SEC23A: variants seen among roughly 807,000 people sequenced by gnomAD.
The protein encoded by SEC23A is SEC23 homolog A, COPII component.
Under a neutral mutation model 103.7 loss-of-function variants are expected in SEC23A, and 56 were observed. The ratio of observed to expected loss-of-function variants is 0.54; its 90% CI spans 0.44 to 0.67. The LOEUF (loss-of-function observed/expected upper bound fraction) is 0.67. SEC23A is among the 30% of genes least tolerant of loss of function. SEC23A has a pLI of 0.00. For synonymous variants in SEC23A, 281 were observed against 293.0 expected (o/e 0.96, Z 0.42); for missense variants, 784 against 936.4 (o/e 0.84, Z 2.12).
chr14:39,064,850 G>T lies in SEC23A; in HGVS notation c.1308+63C>A, dbSNP rs551529551. ...CTGCCTCAGCTTCCCAAGTACCTGG[G>T]ATTACAGGTGCAAGCCACAGTTCCT... On this transcript the variant is annotated intron_variant, in intron 11 of 19. Coordinates refer to ENST00000307712, the MANE Select transcript of SEC23A (RefSeq NM_006364.4). The T allele has an allele frequency of 6.5e-5, 76 of 1,177,594 alleles. 1 individual carries two copies. The South Asian group carries it at 9.1e-4, about 14-fold the overall frequency. The allele number at this position is 1,177,594 out of a possible 1,614,324, so 72.9% of individuals were successfully genotyped here.
intron 14 of SEC23A, among the ~76,000 whole-genome samples, chr14:39,054,929 T>G (rs1383215742): frequency 6.6e-6 from 1 of 152,182 alleles, no homozygotes; most frequent in Non-Finnish European, 1.5e-5. Context: ...TTGTCACTCT[T>G]ACATTTTAAG....
chr14:39,085,541 G>A (rs1354529484), intron 7 of SEC23A, among the ~76,000 whole-genome samples: 1 of 152,122 alleles, frequency 6.6e-6, no homozygotes, highest in Non-Finnish European at 1.5e-5. Flanking sequence ...GAATTGAACT[G>A]AATTACAGGA....
At chr14:39,072,481 A>G (rs1329600084) in intron 9 of SEC23A, among the ~76,000 whole-genome samples, 1 of 152,054 alleles carries the variant, frequency 6.6e-6, no homozygotes, top group African/African-American at 2.4e-5. Context: ...CCACAATGAG[A>G]TATTACTTCA....
chr14:39,062,266 T>G (rs1886504816), intron 12 of SEC23A, among the ~76,000 whole-genome samples: 2 of 152,192 alleles, frequency 1.3e-5, no homozygotes, highest in Admixed American at 1.3e-4. Flanking sequence ...TTGGATTTTG[T>G]ATTTTTTTAA....
chr14:39,076,129 A>G (rs1398873438), intron 7 of SEC23A, 36 bp from the exon 8 acceptor site: 1 of 1,435,998 alleles, frequency 7.0e-7, no homozygotes, highest in Non-Finnish European at 9.6e-7. Flanking sequence ...AAAAGAAAAC[A>G]TATGAATATA....
At chr14:39,087,031 A>G (rs1461772488) in intron 5 of SEC23A, 23 bp from the exon 6 acceptor site, 4 of 1,259,236 alleles carry the variant, frequency 3.2e-6, no homozygotes, top group East Asian at 2.3e-5. Flanking sequence ...TACTTGTGCA[A>G]TATTCATTTA....
At position 39,085,635 on chromosome 14, in the gene SEC23A, G is replaced by C. The variant is rs1594476718; in HGVS notation, c.828+127C>G. On this transcript the variant is annotated intron_variant, in intron 7 of 19. Transcript: ENST00000307712. ...AGTATTCTTTGTTGATGCTGAGTGA[G>C]AGAATAGGGAGGAAAAAAAGCACTT... 10 of 1,114,138 alleles carry C rather than the reference G, an allele frequency of 9.0e-6. No homozygotes were observed. The East Asian group carries it at 1.5e-4, about 17-fold the overall frequency. 69.0% of individuals were successfully genotyped at this position (1,114,138 alleles called of 1,614,324 possible).
intron 5 of SEC23A, chr14:39,088,585 T>C (rs1277190596): frequency 6.6e-6 from 1 of 151,678 alleles, no homozygotes; most frequent in East Asian, 1.9e-4. Flanking sequence ...ATACAAAAAT[T>C]AGTAAGGCAT....
intron 13 of SEC23A, 40 bp from the exon 14 acceptor site, chr14:39,055,336 T>C: frequency 1.2e-6 from 2 of 1,600,718 alleles, no homozygotes; most frequent in South Asian, 2.2e-5. Flanking sequence ...TTCTGAATTA[T>C]TATACCCACA....
chr14:39,087,260 C>G (rs1887476824), intron 5 of SEC23A, among the ~76,000 whole-genome samples: 4 of 152,160 alleles, frequency 2.6e-5, no homozygotes, highest in Admixed American at 1.3e-4. Context: ...CTCAAAAACA[C>G]TTTATTTCTA....
intron 14 of SEC23A, among the ~76,000 whole-genome samples, chr14:39,050,286 CCCTTACAAAAAGG>C (rs1280698798): frequency 6.6e-6 from 1 of 152,158 alleles, no homozygotes; most frequent in African/African-American, 2.4e-5. Context: ...AAAATAACAT[CCCTTACAAAAAGG>C]CTAATTCCTT....
chr14:39,070,585 A>G (rs112783312), intron 9 of SEC23A, among the ~76,000 whole-genome samples: 1,989 of 152,356 alleles, frequency 0.013, 37 homozygotes, highest in African/African-American at 0.043. Context: ...GCAATATACC[A>G]TATTAATAAG....
chr14:39,040,498 C>A, intron 18 of SEC23A: 1 of 564,632 alleles, frequency 1.8e-6, no homozygotes, highest in Non-Finnish European at 3.2e-6. Context: ...GTTCAGGAAG[C>A]TAGGCTAGAG....
At chr14:39,061,645 C>G (rs946108401) in intron 13 of SEC23A, 120 bp downstream of exon 13, 52 of 730,882 alleles carry the variant, frequency 7.1e-5, no homozygotes, top group Non-Finnish European at 1.2e-4. Flanking sequence ...AAATAAAATA[C>G]TATTAGTCAC....
At position 39,090,794 on chromosome 14, in the gene SEC23A, G is replaced by C. The variant is rs186313374; in HGVS notation, c.603+683C>G. 282 of 178,040 alleles carry C rather than the reference G, an allele frequency of 1.6e-3. 1 individual carries two copies. Among genetic ancestry groups the C allele is most frequent in the Non-Finnish European group, 2.1e-3 (179 of 85,034 alleles). 11.0% of individuals were successfully genotyped at this position (178,040 alleles called of 1,614,324 possible). On this transcript the variant is annotated intron_variant, in intron 5 of 19. Coordinates refer to ENST00000307712, the MANE Select transcript of SEC23A (RefSeq NM_006364.4). ...TCTCAAGTTCTTCTGTATCTCCTTG[G>C]ACCTCATTCTGCACGACAATGAGGT... is the stretch of plus-strand genomic sequence containing the variant.
intron 7 of SEC23A, 61 bp from the exon 8 acceptor site, chr14:39,076,154 AT>A: frequency 1.7e-6 from 2 of 1,170,794 alleles, no homozygotes; most frequent in Admixed American, 2.1e-5. Flanking sequence ...TCTGATAATA[AT>A]TTTTTATATA....
chr14:39,051,122 A>G (rs1441419153), intron 14 of SEC23A, among the ~76,000 whole-genome samples: 1 of 152,234 alleles, frequency 6.6e-6, no homozygotes, highest in Non-Finnish European at 1.5e-5. Flanking sequence ...CTAGGAAATT[A>G]TACTAATAAA....
chr14:39,058,393 C>T (rs1228962439), intron 13 of SEC23A, among the ~76,000 whole-genome samples: 1 of 152,068 alleles, frequency 6.6e-6, no homozygotes, highest in South Asian at 2.1e-4. Context: ...CTGCAAGCTC[C>T]GCTTCCCGGG....
rs143818192 is a variant in SEC23A at position 39,085,867 on chromosome 14, T to C, written c.723A>G (p.Thr241=). 2.4e-5 allele frequency: 38 copies of C among 1,613,686 alleles called. No individual in the cohort carries two copies. Among genetic ancestry groups the C allele is most frequent in the African/African-American group, 4.0e-5 (3 of 74,924 alleles). The stretch of plus-strand genomic sequence containing the variant: ...CTCGCTGGAGTTCTCCCAGAAGATC[T>C]GTGAGATTCATGTCTATTTTCTGTA... ...QPVQKIDMNL[T]DLLGELQRDP... Residue 241 remains threonine (T), a synonymous_variant, in exon 7 of 20, where the codon ACA becomes ACG. Transcript: ENST00000307712.
Sources: gnomAD v4.1 joint callset for allele counts (sites outside exome capture counted in the v4.1 genomes callset) on GRCh38, gnomAD v4.1.1 for gene constraint, MANE v1.5 for transcripts, NCBI Gene and HGNC (gene_info 2026-07-23, HGNC 2026-07-21) for gene names.